The following MYO9A variants were observed in gnomAD, a reference collection of about 807,000 sequenced individuals.
The protein encoded by MYO9A is unconventional myosin-IXa.
Under a neutral mutation model 293.3 loss-of-function variants are expected in MYO9A, and 103 were observed. The observed-to-expected ratio is 0.35, with a 90% CI of 0.30 to 0.41. The LOEUF (loss-of-function observed/expected upper bound fraction) is 0.41, where lower values mean the gene tolerates loss of function less well. MYO9A is among the 10% of genes least tolerant of loss of function. The pLI, the probability that MYO9A is intolerant of heterozygous loss-of-function variation, is 1.00. For missense variants in MYO9A, 2,685 were observed against 3,033.0 expected, an observed-to-expected ratio of 0.89 and a Z score of 2.69; for synonymous variants, 1,001 against 1,035.7, an observed-to-expected ratio of 0.97 and a Z score of 0.64.
rs2056893391 is a variant in MYO9A at position 71,882,226 on chromosome 15, G to C, written c.5398+1368C>G. 2.0e-5 allele frequency among the ~76,000 whole-genome samples: 3 copies of C among 152,086 alleles called. 1 individual carries two copies. In the South Asian group the frequency reaches 6.2e-4, roughly 32 times the overall value. On this transcript the variant is annotated intron_variant, in intron 28 of 41. Transcript: ENST00000356056. Reference sequence around the variant, plus strand: ...ACCTCTTTCTATTTTAGTCAATGCTGGTATTTCACCCACATTACCATATAT... The same window carrying C: ...ACCTCTTTCTATTTTAGTCAATGCTCGTATTTCACCCACATTACCATATAT...
chr15:71,855,292 C>T (rs974346510), intron 34 of MYO9A, among the ~76,000 whole-genome samples: 8 of 152,096 alleles, frequency 5.3e-5, no homozygotes, highest in African/African-American at 1.9e-4. Flanking sequence ...CATGACACCA[C>T]GCCCAGCTAA....
rs1352290393 is a variant in MYO9A at position 72,094,450 on chromosome 15, G to A, written c.-72+23230C>T. Among the ~76,000 whole-genome samples the A allele has an allele frequency of 3.3e-5, 3 of 90,554 alleles. 1 individual carries two copies. The highest frequency in any genetic ancestry group is 6.7e-5 in the Non-Finnish European group (2 of 29,898). The allele number at this position is 90,554 out of a possible 152,430, so 59.4% of individuals were successfully genotyped here. On this transcript the variant is annotated intron_variant, in intron 1 of 41. Transcript: ENST00000356056. The stretch of plus-strand genomic sequence containing the variant: ...TCTTCTAACAGCATGTGCTCACTTC[G>A]TGTCTCTGTGTCAAATTTTGGTAAT...
rs1229099459 is a variant in MYO9A at position 71,850,137 on chromosome 15, C to T, written c.6612G>A (p.Met2204Ile). The change falls in exon 38 of 42, where the codon ATG becomes ATA. Residue 2204 changes from methionine (M) to isoleucine (I), a missense_variant. Physicochemically the swap from Met to Ile is conservative, Grantham distance 10 (BLOSUM62 1). Transcript: ENST00000356056. ...RIALQEDTNR[M>I]SANALAIVFA... ...ACACAATGGCCAAAGCATTAGCAGA[C>T]ATTCGATTAGTGTCTTCCTGCAGAG... 1.2e-6 allele frequency: 2 copies of T among 1,614,060 alleles called. No individual in the cohort carries two copies. Among genetic ancestry groups the T allele is most frequent in the Non-Finnish European group, 1.7e-6 (2 of 1,179,972 alleles).
chr15:72,050,296 T>C (rs1217555919), intron 1 of MYO9A, among the ~76,000 whole-genome samples: 6 of 152,102 alleles, frequency 3.9e-5, no homozygotes, highest in Admixed American at 3.3e-4. Flanking sequence ...ATCAAAATCA[T>C]CTGGGGAGCT....
intron 5 of MYO9A, among the ~76,000 whole-genome samples, chr15:72,020,038 C>G (rs538282725): frequency 6.6e-6 from 1 of 152,310 alleles, no homozygotes; most frequent in African/African-American, 2.4e-5. Context: ...AGGTGTGAGC[C>G]ACTGCACTCA....
chr15:71,999,823 C>T, intron 9 of MYO9A, 28 bp downstream of exon 9: 1 of 1,579,660 alleles, frequency 6.3e-7, no homozygotes, highest in East Asian at 2.3e-5. Context: ...GTCCAGAATG[C>T]TTTCATTTCA....
Position 71,886,154 on chromosome 15 carries a change from T to C in MYO9A, c.5255+1850A>G, listed in dbSNP as rs1210897388. ...TCAATATAAGGTATTTCCTCAAATA[T>C]ACGGTGATCAGTGGTATGTGATTAT... On this transcript the variant is annotated intron_variant, in intron 27 of 41. Coordinates refer to ENST00000356056, the MANE Select transcript of MYO9A (RefSeq NM_006901.4). Among the ~76,000 whole-genome samples, 3 of 145,572 alleles carry C rather than the reference T, an allele frequency of 2.1e-5. No individual in the cohort carries two copies. In the Admixed American group the frequency reaches 2.1e-4, roughly 10 times the overall value.
intron 13 of MYO9A, among the ~76,000 whole-genome samples, chr15:71,964,546 T>C (rs12438568): frequency 1 from 150,884 of 150,898 alleles, 75,435 homozygotes; most frequent in Middle Eastern, 1. Context: ...CTTTGGGAGG[T>C]CAAGGCTGGC....
intron 12 of MYO9A, among the ~76,000 whole-genome samples, chr15:71,970,698 G>C (rs1246615803): frequency 6.6e-6 from 1 of 152,156 alleles, no homozygotes; most frequent in African/African-American, 2.4e-5. Context: ...TACGCTGACA[G>C]ATGATGCAAA....
intron 6 of MYO9A, among the ~76,000 whole-genome samples, chr15:72,015,993 T>C (rs2077327336): frequency 6.6e-6 from 1 of 152,104 alleles, no homozygotes; most frequent in African/African-American, 2.4e-5. Context: ...CAGCCTCAGA[T>C]CAGCTTTAAG....
chr15:71,974,910 G>A (rs1303561298), intron 12 of MYO9A, among the ~76,000 whole-genome samples: 1 of 152,212 alleles, frequency 6.6e-6, no homozygotes, highest in Non-Finnish European at 1.5e-5. Context: ...GGGAACTACT[G>A]GAGAGGAGGA....
chr15:71,834,801 A>C (rs2054874242), intron 39 of MYO9A, among the ~76,000 whole-genome samples: 1 of 152,116 alleles, frequency 6.6e-6, no homozygotes, highest in Non-Finnish European at 1.5e-5. Context: ...AAAAAGGATT[A>C]TTATGGGTTA....
At chr15:71,924,221 T>TTTATTATTA (rs535851968) in intron 18 of MYO9A, among the ~76,000 whole-genome samples, 1 of 151,446 alleles carries the variant, frequency 6.6e-6, no homozygotes, top group African/African-American at 2.4e-5. Context: ...TGAAATTTTG[T>TTTATTATTA]TTATTATTAT....
chr15:72,024,011 G>A (rs2077587122), intron 4 of MYO9A, among the ~76,000 whole-genome samples: 1 of 151,932 alleles, frequency 6.6e-6, no homozygotes, highest in African/African-American at 2.4e-5. Flanking sequence ...AACCATGGCA[G>A]ACAGATAACG....
intron 15 of MYO9A, among the ~76,000 whole-genome samples, chr15:71,943,342 G>A (rs998674684): frequency 4.0e-5 from 6 of 151,816 alleles, no homozygotes; most frequent in African/African-American, 7.3e-5. Context: ...AGAGCTCCCC[G>A]CTTTCCCTTC....
At chr15:72,063,733 A>G (rs1423598657) in intron 1 of MYO9A, among the ~76,000 whole-genome samples, 3 of 152,212 alleles carry the variant, frequency 2.0e-5, no homozygotes, top group Non-Finnish European at 2.9e-5. Flanking sequence ...GCCACTATAA[A>G]AACAGTTTGG....
chr15:72,025,088 A>G (rs544896256), intron 4 of MYO9A, among the ~76,000 whole-genome samples: 2 of 152,174 alleles, frequency 1.3e-5, no homozygotes, highest in Non-Finnish European at 2.9e-5. Flanking sequence ...TACAAGAGAC[A>G]AGCTTTAGAC....
At chr15:72,055,379 A>G (rs2078691298) in intron 1 of MYO9A, among the ~76,000 whole-genome samples, 3 of 152,268 alleles carry the variant, frequency 2.0e-5, no homozygotes. Context: ...ATTCTACAAG[A>G]TAATGTCAGA....
At chr15:71,988,087 G>A (rs2076449150) in intron 11 of MYO9A, among the ~76,000 whole-genome samples, 1 of 152,152 alleles carries the variant, frequency 6.6e-6, no homozygotes, top group Non-Finnish European at 1.5e-5. Flanking sequence ...TTACAATAAA[G>A]AATGTTTGTC....
Sources: allele counts gnomAD v4.1 joint callset (sites outside exome capture counted in the v4.1 genomes callset), GRCh38; gene constraint gnomAD v4.1.1; transcripts MANE v1.5; gene names NCBI Gene and HGNC (gene_info 2026-07-23, HGNC 2026-07-21).